The following SUCLG2 variants were observed in gnomAD, a reference collection of about 807,000 sequenced individuals.
SUCLG2 encodes the protein succinate--CoA ligase [GDP-forming] subunit beta, mitochondrial.
Under a neutral mutation model 47.9 loss-of-function variants are expected in SUCLG2, and 42 were observed. The observed-to-expected ratio is 0.88, with a 90% CI of 0.69 to 1.14. The LOEUF (loss-of-function observed/expected upper bound fraction) is 1.14. Ranked by LOEUF, SUCLG2 falls within the 50% of genes most tolerant of loss-of-function variation. The probability of loss-of-function intolerance (pLI) is 0.00; values close to 1 mark genes in which losing one functional copy is unlikely to be tolerated. For missense variants in SUCLG2, 571 were observed against 525.9 expected, an observed-to-expected ratio of 1.09 and a Z score of -0.84; for synonymous variants, 195 against 197.3, an observed-to-expected ratio of 0.99 and a Z score of 0.10.
chr3:67,481,465 T>C (rs1704914002), intron 9 of SUCLG2, among the ~76,000 whole-genome samples: 1 of 152,230 alleles, frequency 6.6e-6, no homozygotes, highest in African/African-American at 2.4e-5. Context: ...GACTGTAGTT[T>C]GTCTGTCCCT....
intron 2 of SUCLG2, among the ~76,000 whole-genome samples, chr3:67,579,568 G>C (rs1196298098): frequency 4.6e-5 from 7 of 152,142 alleles, no homozygotes; most frequent in Non-Finnish European, 2.9e-5. Flanking sequence ...TACAAACCAA[G>C]AAACTTGCAG....
chr3:67,506,063 A>G (rs1265846902), intron 7 of SUCLG2, among the ~76,000 whole-genome samples: 1 of 152,232 alleles, frequency 6.6e-6, no homozygotes, highest in Non-Finnish European at 1.5e-5. Context: ...TTTAAAGAAT[A>G]ATTATTAAAT....
intron 9 of SUCLG2, among the ~76,000 whole-genome samples, chr3:67,446,767 A>T (rs1337600992): frequency 6.6e-6 from 1 of 151,990 alleles, no homozygotes; most frequent in Non-Finnish European, 1.5e-5. Context: ...AATGCCAGGC[A>T]CTCAAAGAAT....
At chr3:67,384,262 G>A (rs1451020796) in intron 10 of SUCLG2, among the ~76,000 whole-genome samples, 1 of 152,180 alleles carries the variant, frequency 6.6e-6, no homozygotes, top group African/African-American at 2.4e-5. Flanking sequence ...CAGAGCTTAG[G>A]GGAAGGGAGA....
chr3:67,510,219 C>G (rs939658185), intron 6 of SUCLG2, among the ~76,000 whole-genome samples: 1 of 152,200 alleles, frequency 6.6e-6, no homozygotes, highest in African/African-American at 2.4e-5. Context: ...TAAATCCCCA[C>G]TGGTGTAAAT....
chr3:67,522,189 G>A (rs748330196), intron 4 of SUCLG2, among the ~76,000 whole-genome samples: 4 of 151,860 alleles, frequency 2.6e-5, no homozygotes, highest in Non-Finnish European at 4.4e-5. Context: ...CTACAGGCAC[G>A]TGCCTCCATA....
chr3:67,519,106 T>C (rs1706028205), intron 5 of SUCLG2, among the ~76,000 whole-genome samples: 2 of 152,130 alleles, frequency 1.3e-5, no homozygotes, highest in Admixed American at 1.3e-4. Context: ...TGTCTCTGTG[T>C]AGTCTACACA....
chr3:67,568,172 T>C (rs9853431), intron 2 of SUCLG2, among the ~76,000 whole-genome samples: 2,220 of 152,232 alleles, frequency 0.015, 58 homozygotes, highest in African/African-American at 0.051. Flanking sequence ...TTAAATGTAC[T>C]GAAGAAAAGG....
chr3:67,622,487 T>G (rs1277616078), intron 1 of SUCLG2, among the ~76,000 whole-genome samples: 1 of 152,206 alleles, frequency 6.6e-6, no homozygotes, highest in Non-Finnish European at 1.5e-5. Flanking sequence ...TATTTTAAAG[T>G]GATCTGAGCA....
At chr3:67,432,482 A>T (rs1453156860) in intron 9 of SUCLG2, among the ~76,000 whole-genome samples, 1 of 152,218 alleles carries the variant, frequency 6.6e-6, no homozygotes, top group East Asian at 1.9e-4. Context: ...TCAACTATAA[A>T]CGTTCCAGCT....
rs973297448 is a variant in SUCLG2, at chr3:67,609,394, C to A, written c.226+61G>T. ...ACAAAAAAAATTAACTAGTGGGAAG[C>A]CACTACCTGTGAATTCACTGATTTG... On this transcript the variant is annotated intron_variant, in intron 2 of 10. Transcript: ENST00000307227. 7 of 1,559,926 alleles carry A rather than the reference C, an allele frequency of 4.5e-6. No individual in the cohort carries two copies. In the African/African-American group the frequency reaches 8.2e-5, roughly 18 times the overall value.
intron 2 of SUCLG2, among the ~76,000 whole-genome samples, chr3:67,577,103 G>A (rs1707760395): frequency 6.6e-6 from 1 of 152,124 alleles, no homozygotes; most frequent in South Asian, 2.1e-4. Context: ...GGGAGGCTGA[G>A]GTGAGCAGAT....
At chr3:67,463,753 C>CCTGG (rs1157817397) in intron 9 of SUCLG2, among the ~76,000 whole-genome samples, 1 of 152,012 alleles carries the variant, frequency 6.6e-6, no homozygotes, top group Non-Finnish European at 1.5e-5. Context: ...TGGAAAAGGC[C>CCTGG]CTGGCTTTGG....
At chr3:67,414,054 C>G (rs772074804) in intron 9 of SUCLG2, among the ~76,000 whole-genome samples, 1 of 152,182 alleles carries the variant, frequency 6.6e-6, no homozygotes, top group Non-Finnish European at 1.5e-5. Context: ...TGACCTGCCA[C>G]CTTTTTATTT....
chr3:67,537,567 T>A (rs995787304), intron 2 of SUCLG2, among the ~76,000 whole-genome samples: 3 of 152,234 alleles, frequency 2.0e-5, no homozygotes, highest in African/African-American at 7.2e-5. Context: ...TGATTTATAA[T>A]CCTTTGGGTA....
At position 67,609,469 on chromosome 3, in the gene SUCLG2, G is replaced by A. The variant is rs372965990; in HGVS notation, c.212C>T (p.Ala71Val). ...AATCAGCTTACTTAGTCTCTTAGCA[G>A]CCTCGAGAGCTTCATTTGCAGTGTC... The part of the protein sequence containing the change: ...VADTANEALE[A>V]AKRLNAKEIV... The change falls in exon 2 of 11, where the codon GCT becomes GTT. Residue 71 changes from alanine (A) to valine (V), a missense_variant. Ala to Val is a moderately conservative substitution (Grantham distance 64, BLOSUM62 0). Transcript: ENST00000307227. The A allele has an allele frequency of 2.5e-6, 4 of 1,612,200 alleles. No individual in the cohort carries two copies. The African/African-American group carries it at 5.3e-5, about 22-fold the overall frequency.
chr3:67,534,995 A>G (rs1706502205), intron 2 of SUCLG2, among the ~76,000 whole-genome samples: 2 of 152,116 alleles, frequency 1.3e-5, no homozygotes, highest in African/African-American at 4.8e-5. Context: ...TACAGGACAA[A>G]GCAATCCTAT....
chr3:67,468,418 G>C (rs1238356094), intron 9 of SUCLG2, among the ~76,000 whole-genome samples: 1 of 152,130 alleles, frequency 6.6e-6, no homozygotes, highest in African/African-American at 2.4e-5. Flanking sequence ...CCTTGAACCT[G>C]GGCAGGACCT....
rs1033409399 is a variant in SUCLG2 at position 67,442,156 on chromosome 3, G to A, written c.1063-41305C>T. Among the ~76,000 whole-genome samples the A allele has an allele frequency of 7.3e-3, 1,072 of 147,452 alleles. 11 individuals are homozygous for A. The highest frequency in any genetic ancestry group is 0.025 in the African/African-American group (1,019 of 40,130). ...CTCCCAAGTAGCTGGGACTACAGGC[G>A]CCCGCCACTACGCCCGGCTAATTTT... is the stretch of plus-strand genomic sequence containing the variant. On this transcript the variant is annotated intron_variant, in intron 9 of 10. Coordinates refer to ENST00000307227, the MANE Select transcript of SUCLG2 (RefSeq NM_003848.4).
Sources: gnomAD v4.1 joint callset for allele counts (sites outside exome capture counted in the v4.1 genomes callset) on GRCh38, gnomAD v4.1.1 for gene constraint, MANE v1.5 for transcripts, NCBI Gene and HGNC (gene_info 2026-07-23, HGNC 2026-07-21) for gene names.